PIK3R5: variants seen among roughly 807,000 people sequenced by gnomAD.
PIK3R5 encodes phosphoinositide 3-kinase regulatory subunit 5.
PIK3R5 carries 32 observed loss-of-function variants against 94.9 expected under a neutral mutation model. The observed-to-expected ratio is 0.34, with a 90% confidence interval of 0.25 to 0.45. The LOEUF (loss-of-function observed/expected upper bound fraction) is 0.45. Among genes scored for constraint, PIK3R5 ranks in the 20% least tolerant of loss-of-function variants. PIK3R5 has a pLI of 1.00. For missense variants in PIK3R5, 853 were observed against 1,144.6 expected, an observed-to-expected ratio of 0.75 and a Z score of 3.68; for synonymous variants, 443 against 479.4, an observed-to-expected ratio of 0.92 and a Z score of 0.99.
At chr17:8,942,900 C>T (rs1334813616) in intron 1 of PIK3R5, among the ~76,000 whole-genome samples, 1 of 151,850 alleles carries the variant, frequency 6.6e-6, no homozygotes, top group Non-Finnish European at 1.5e-5. Context: ...ACCACTGCAC[C>T]CGGCCCTGTC....
chr17:8,905,778 G>A (rs772734811), intron 3 of PIK3R5, 41 bp from the exon 4 acceptor site: 11 of 1,412,702 alleles, frequency 7.8e-6, no homozygotes, highest in Non-Finnish European at 9.8e-6. Flanking sequence ...TCATTCACGG[G>A]GTCCAGGGCT....
At chr17:8,883,179 C>A (rs971194118) in intron 15 of PIK3R5, among the ~76,000 whole-genome samples, 3 of 152,142 alleles carry the variant, frequency 2.0e-5, no homozygotes, top group Non-Finnish European at 2.9e-5. Context: ...ACCAGCCTGG[C>A]CAACGTGGTG....
rs1243759576 is a variant in PIK3R5 at position 8,888,172 on chromosome 17, G to A, written c.1615C>T (p.Arg539Trp). 7.4e-6 allele frequency: 12 copies of A among 1,613,010 alleles called. 1 individual carries two copies. The highest frequency in any genetic ancestry group is 1.6e-4 in the Middle Eastern group (1 of 6,074). ...GKVARAYSNLRRLENNRPLLT... is the reference protein window; with the variant it reads ...GKVARAYSNLWRLENNRPLLT... ...GATGCTCCGCATTACGGCTCTTACC[G>A]AAGGTTGCTGTACGCCCGAGCCACC... is the stretch of plus-strand genomic sequence containing the variant. Residue 539 changes from arginine (R) to tryptophan (W), a missense_variant and splice_region_variant, in exon 10 of 19, where the codon CGG (arginine) becomes TGG (tryptophan). Coordinates refer to ENST00000447110, the MANE Select transcript of PIK3R5 (RefSeq NM_001142633.3). This position sits in a 1 kb window ranked among gnomAD's most constrained non-coding sequence, Gnocchi z 7.8.
chr17:8,927,757 G>A (rs1473535303), intron 1 of PIK3R5, among the ~76,000 whole-genome samples: 1 of 152,144 alleles, frequency 6.6e-6, no homozygotes, highest in African/African-American at 2.4e-5. Flanking sequence ...TGTTGGAGGT[G>A]GTGCCTGGTG....
chr17:8,898,481 G>A (rs1247843002), intron 5 of PIK3R5, among the ~76,000 whole-genome samples: 1 of 152,200 alleles, frequency 6.6e-6, no homozygotes, highest in African/African-American at 2.4e-5. Flanking sequence ...GAAAAGGATG[G>A]GATATGACTT....
chr17:8,907,436 A>C (rs1001277860), intron 3 of PIK3R5, among the ~76,000 whole-genome samples: 1 of 152,182 alleles, frequency 6.6e-6, no homozygotes, highest in Non-Finnish European at 1.5e-5. Context: ...AATTTGGATT[A>C]TTAATCTAGA....
intron 1 of PIK3R5, among the ~76,000 whole-genome samples, chr17:8,934,859 T>C (rs2091045194): frequency 6.6e-6 from 1 of 152,220 alleles, no homozygotes; most frequent in Non-Finnish European, 1.5e-5. Flanking sequence ...CTTTGGGTTT[T>C]CATTGCCTTG....
chr17:8,934,988 G>T (rs929602177), intron 1 of PIK3R5, among the ~76,000 whole-genome samples: 8 of 152,094 alleles, frequency 5.3e-5, no homozygotes, highest in African/African-American at 1.7e-4. Context: ...TGCATGTGCT[G>T]CCTCTGCCTG....
chr17:8,963,993 AC>A (rs1444233561), intron 1 of PIK3R5, among the ~76,000 whole-genome samples: 2 of 152,162 alleles, frequency 1.3e-5, no homozygotes, highest in African/African-American at 4.8e-5. Context: ...GCAAAGACCC[AC>A]ACCACCACAG....
chr17:8,948,240 A>G (rs1474664154), intron 1 of PIK3R5, among the ~76,000 whole-genome samples: 2 of 152,108 alleles, frequency 1.3e-5, no homozygotes, highest in African/African-American at 2.4e-5. Context: ...TCCACTTATA[A>G]GTAGGAGCTA....
rs917339921 is a variant in PIK3R5 at position 8,881,894 on chromosome 17, T to C, written c.2206-13A>G. Reference sequence around the variant, plus strand: ...CACTGATGGCCCCCTGGAAATGCAGTGTAGCCAGACCCTCTGAGTCCAGAG... The same window carrying C: ...CACTGATGGCCCCCTGGAAATGCAGCGTAGCCAGACCCTCTGAGTCCAGAG... On this transcript the variant is annotated splice_polypyrimidine_tract_variant and intron_variant, in intron 15 of 18. Transcript: ENST00000447110. The surrounding 1 kb of genome is among the most constrained non-coding windows in gnomAD (Gnocchi z 4.8). 3 of 1,606,880 alleles carry C rather than the reference T, an allele frequency of 1.9e-6. No homozygotes were observed. Among genetic ancestry groups the C allele is most frequent in the African/African-American group, 2.7e-5 (2 of 74,772 alleles).
At chr17:8,912,243 G>C (rs1009981631) in intron 1 of PIK3R5, among the ~76,000 whole-genome samples, 2 of 152,106 alleles carry the variant, frequency 1.3e-5, no homozygotes, top group African/African-American at 4.8e-5. Flanking sequence ...GCCCCCAGCA[G>C]GGCCAGCCCA....
chr17:8,924,658 C>G (rs979653101), intron 1 of PIK3R5, among the ~76,000 whole-genome samples: 1 of 152,172 alleles, frequency 6.6e-6, no homozygotes, highest in Admixed American at 6.5e-5. Context: ...CACATCTTCA[C>G]TAGTCTCCTT....
chr17:8,889,840 G>T lies in PIK3R5; in HGVS notation c.811+133C>A. ...ACACCCTAGGGGATGGCAGAGCAGTGAGATGCTGAAGAAGCTGAGTCCCTG... is the reference window on the plus strand; with the variant it reads ...ACACCCTAGGGGATGGCAGAGCAGTTAGATGCTGAAGAAGCTGAGTCCCTG... On this transcript the variant is annotated intron_variant, in intron 8 of 18. Transcript: ENST00000447110. This position sits in a 1 kb window ranked among gnomAD's most constrained non-coding sequence, Gnocchi z 4.1. The T allele has an allele frequency of 1.2e-6, 1 of 862,490 alleles. No homozygotes were observed. Among genetic ancestry groups the T allele is most frequent in the Non-Finnish European group, 1.8e-6 (1 of 543,482 alleles). 53.4% of individuals were successfully genotyped at this position (862,490 alleles called of 1,614,324 possible).
intron 1 of PIK3R5, among the ~76,000 whole-genome samples, chr17:8,917,096 C>T (rs1467292658): frequency 6.6e-6 from 1 of 152,128 alleles, no homozygotes; most frequent in Non-Finnish European, 1.5e-5. Flanking sequence ...AGAATCTCCA[C>T]CGTGACCTAA....
chr17:8,911,483 C>T lies in PIK3R5; in HGVS notation c.12G>A (p.Gly4=). 1 of 1,599,354 alleles carries T rather than the reference C, an allele frequency of 6.3e-7. No homozygotes were observed. Among genetic ancestry groups the T allele is most frequent in the Non-Finnish European group, 8.5e-7 (1 of 1,179,678 alleles). The change falls in exon 2 of 19, where the codon GGG becomes GGA. Residue 4 remains glycine, a synonymous_variant. Coordinates refer to ENST00000447110, the MANE Select transcript of PIK3R5 (RefSeq NM_001142633.3). This position sits in a 1 kb window ranked among gnomAD's most constrained non-coding sequence, Gnocchi z 5.3. MQP[G]ATTCTEDRIQ... ...TGCGGTCCTCCGTGCATGTCGTGGC[C>T]CCTGGCTGCATCCTGGGTCATCGCC...
chr17:8,894,486 G>A (rs1297942815), intron 5 of PIK3R5, among the ~76,000 whole-genome samples: 1 of 152,148 alleles, frequency 6.6e-6, no homozygotes. Context: ...CGTCCTCCGT[G>A]CTCTGAGGCA....
intron 1 of PIK3R5, among the ~76,000 whole-genome samples, chr17:8,959,962 G>A (rs1399085855): frequency 6.6e-6 from 1 of 152,182 alleles, no homozygotes; most frequent in Non-Finnish European, 1.5e-5. Context: ...GCTCCTGAGC[G>A]GGACACGCTA....
intron 1 of PIK3R5, among the ~76,000 whole-genome samples, chr17:8,936,981 A>G (rs1017081454): frequency 6.6e-6 from 1 of 152,138 alleles, no homozygotes; most frequent in African/African-American, 2.4e-5. Flanking sequence ...ATTTTGTTAG[A>G]TTCATATCTG....
Sources: allele counts gnomAD v4.1 joint callset (sites outside exome capture counted in the v4.1 genomes callset), GRCh38; gene constraint gnomAD v4.1.1; non-coding constraint Gnocchi (gnomAD v3.1); transcripts MANE v1.5; gene names NCBI Gene and HGNC (gene_info 2026-07-23, HGNC 2026-07-21).